The following DUSP15 variants were observed in gnomAD, a reference collection of about 807,000 sequenced individuals.
The protein encoded by DUSP15 is dual specificity protein phosphatase 15.
In DUSP15, 23 loss-of-function variants were observed where a neutral mutation model predicts 26.3. The ratio of observed to expected loss-of-function variants is 0.87; its 90% CI spans 0.63 to 1.24. DUSP15 has a LOEUF of 1.24. DUSP15 is among the 50% of genes most tolerant of loss of function. The probability of loss-of-function intolerance (pLI) is 0.00; values close to 1 mark genes in which losing one functional copy is unlikely to be tolerated. For synonymous variants in DUSP15, 143 were observed against 135.5 expected, an observed-to-expected ratio of 1.06 and a Z score of -0.39; for missense variants, 364 against 320.6, an observed-to-expected ratio of 1.14 and a Z score of -1.03.
intron 5 of DUSP15, among the ~76,000 whole-genome samples, chr20:31,863,270 C>T (rs1835602688): frequency 6.6e-6 from 1 of 152,102 alleles, no homozygotes. Flanking sequence ...CAGGAACCTT[C>T]TGGGCAGTGT....
At chr20:31,855,715 A>G (rs1054823584) in intron 6 of DUSP15, among the ~76,000 whole-genome samples, 7 of 152,208 alleles carry the variant, frequency 4.6e-5, no homozygotes, top group Admixed American at 4.6e-4. Flanking sequence ...ACACTTATTG[A>G]GCACCTACTA....
At position 31,864,932 on chromosome 20, in the gene DUSP15, G is replaced by C. The variant is rs546598531; in HGVS notation, c.188+21C>G. The stretch of plus-strand genomic sequence containing the variant: ...GAAGGCAGCTGTCTGTCCATCTATG[G>C]GTCCATCCAGGGGAACTTACATGGG... On this transcript the variant is annotated intron_variant, in intron 4 of 6. Coordinates refer to ENST00000339738, the MANE Select transcript of DUSP15 (RefSeq NM_080611.5). 16 of 1,613,030 alleles carry C rather than the reference G, an allele frequency of 9.9e-6. No homozygotes were observed. The East Asian group carries it at 3.1e-4, about 31-fold the overall frequency.
intron 1 of DUSP15, chr20:31,869,839 A>G: frequency 7.1e-7 from 1 of 1,414,412 alleles, no homozygotes; most frequent in East Asian, 2.7e-5. Flanking sequence ...CAGCTTGGGT[A>G]TGAGAGGGGA....
exon 8 of DUSP15, chr20:31,849,820 G>A (rs750621165): frequency 6.5e-7 from 1 of 1,528,288 alleles, no homozygotes; most frequent in East Asian, 2.4e-5. Context: ...CTGTGCGCCC[G>A]GTGGCTTCGC....
At chr20:31,846,466 GAGAGAGAGA>G (rs2062379510), downstream of DUSP15, among the ~76,000 whole-genome samples, 31 of 150,224 alleles carry the variant, frequency 2.1e-4, no homozygotes, top group Non-Finnish European at 2.7e-4. Flanking sequence ...GAGAGAGAGA[GAGAGAGAGA>G]GGAGAGAGAG....
chr20:31,848,639 C>A (rs958101660), intron 9 of DUSP15: 3 of 1,478,012 alleles, frequency 2.0e-6, no homozygotes, highest in Admixed American at 5.0e-5. Context: ...GAAGTCACAG[C>A]CCTAGTTACA....
In DUSP15 at chr20:31,864,107, A is replaced by G. The variant is rs1192419381; in HGVS notation, c.189-126T>C. ...CTGGGGTCCCCAGGTCAGCCAGCAC[A>G]TGCAGTGAATATGGGCCAGTACTTA... On this transcript the variant is annotated intron_variant, in intron 4 of 6. Transcript: ENST00000339738. 7 of 1,511,838 alleles carry G rather than the reference A, an allele frequency of 4.6e-6. No individual in the cohort carries two copies. The Admixed American group carries it at 1.2e-4, about 27-fold the overall frequency. The allele number at this position is 1,511,838 out of a possible 1,614,324, so 93.7% of individuals were successfully genotyped here.
downstream of DUSP15, among the ~76,000 whole-genome samples, chr20:31,845,939 TAGAGAC>T (rs1361857582): frequency 6.7e-6 from 1 of 149,618 alleles, no homozygotes; most frequent in Non-Finnish European, 1.5e-5. Flanking sequence ...AAAAAAGAGA[TAGAGAC>T]AGAGAGAGGT....
intron 7 of DUSP15, chr20:31,849,956 G>C (rs2062440503): frequency 7.1e-7 from 1 of 1,403,346 alleles, no homozygotes; most frequent in Admixed American, 3.2e-5. Context: ...TTCAAACTCT[G>C]CCGGACCCAG....
At chr20:31,846,177 C>T (rs746388), downstream of DUSP15, among the ~76,000 whole-genome samples, 27 of 149,868 alleles carry the variant, frequency 1.8e-4, no homozygotes, top group Middle Eastern at 3.4e-3. Context: ...CACACACACA[C>T]ATATACACAG....
chr20:31,861,143 GCCGCCTTTAAGGGTGGGC>G lies in DUSP15; in HGVS notation c.*242_*259del. On this transcript the variant is annotated 3_prime_UTR_variant, in exon 7 of 7. Coordinates refer to ENST00000339738, the MANE Select transcript of DUSP15 (RefSeq NM_080611.5). Reference sequence around the variant, plus strand: ...CTCCACTCTCCCTCCCTCCCCTCCCGCCGCCTTTAAGGGTGGGCCCCCTCCCCCAGCCCAAGGACTAAG... The same window carrying G: ...CTCCACTCTCCCTCCCTCCCCTCCCGCCCCTCCCCCAGCCCAAGGACTAAG... The G allele has an allele frequency of 9.6e-7, 1 of 1,042,550 alleles. No individual in the cohort carries two copies. The highest frequency in any genetic ancestry group is 1.2e-6 in the Non-Finnish European group (1 of 843,802). 64.6% of individuals were successfully genotyped at this position (1,042,550 alleles called of 1,614,324 possible).
chr20:31,859,129 G>A (rs2062605697), downstream of DUSP15, among the ~76,000 whole-genome samples: 1 of 152,198 alleles, frequency 6.6e-6, no homozygotes, highest in South Asian at 2.1e-4. Context: ...CACAGAGCTA[G>A]TGGGTGGTGG....
In DUSP15 at chr20:31,861,149, T is replaced by A; in HGVS notation, c.*254A>T. 5 of 1,194,146 alleles carry A rather than the reference T, an allele frequency of 4.2e-6. No homozygotes were observed. Among genetic ancestry groups the A allele is most frequent in the Non-Finnish European group, 5.2e-6 (5 of 959,636 alleles). 74.0% of individuals were successfully genotyped at this position (1,194,146 alleles called of 1,614,324 possible). A position where few individuals can be genotyped will look rare whatever the true frequency, so the allele number is the denominator to read the frequency against. ...TCTCCCTCCCTCCCCTCCCGCCGCC[T>A]TTAAGGGTGGGCCCCCTCCCCCAGC... On this transcript the variant is annotated 3_prime_UTR_variant, in exon 7 of 7. Transcript: ENST00000339738.
downstream of DUSP15, among the ~76,000 whole-genome samples, chr20:31,856,607 G>A (rs938846595): frequency 6.6e-6 from 1 of 152,086 alleles, no homozygotes; most frequent in African/African-American, 2.4e-5. Flanking sequence ...GAGTGGCCAG[G>A]GTTCAGATAC....
intron 2 of DUSP15, among the ~76,000 whole-genome samples, chr20:31,868,155 C>T (rs370896109): frequency 2.0e-5 from 3 of 152,198 alleles, no homozygotes; most frequent in Non-Finnish European, 2.9e-5. Context: ...GAGCATTTAC[C>T]GAGTGCTAAC....
chr20:31,856,855 T>C (rs1249964787), downstream of DUSP15, among the ~76,000 whole-genome samples: 5 of 151,004 alleles, frequency 3.3e-5, no homozygotes. Flanking sequence ...GGGGACAGGA[T>C]GGAGGTTGAG....
chr20:31,868,143 A>G (rs1055319992), intron 2 of DUSP15, among the ~76,000 whole-genome samples: 1 of 152,202 alleles, frequency 6.6e-6, no homozygotes, highest in African/African-American at 2.4e-5. Flanking sequence ...TCCTCATTCG[A>G]TGAGCATTTA....
Position 31,862,616 on chromosome 20 carries a change from GC to G in DUSP15, c.389del (p.Gly130AlafsTer145). The G allele has an allele frequency of 6.2e-7, 1 of 1,614,078 alleles. No homozygotes were observed. The highest frequency in any genetic ancestry group is 8.5e-7 in the Non-Finnish European group (1 of 1,179,984). On this transcript the variant is annotated frameshift_variant, in exon 6 of 7. Transcript: ENST00000339738. LOFTEE classifies it high-confidence loss of function. ...ATRPIANPNP[G>X]FRQQLEEFGW... ...CAAACTCTTCAAGCTGCTGCCTAAAGCCTGGGTTGGGGTTGGCGATGGGCCT... is the reference window on the plus strand; with the variant it reads ...CAAACTCTTCAAGCTGCTGCCTAAAGCTGGGTTGGGGTTGGCGATGGGCCT...
rs1568679093 is a variant in DUSP15 at position 31,861,467 on chromosome 20, AGCAGCG to A, written c.638_643del (p.Pro213_Leu214del). On this transcript the variant is annotated inframe_deletion, in exon 7 of 7. Transcript: ENST00000339738. ...AGAGAAAGTCTGCTTGACGCGCGCC[AGCAGCG>A]GCAGCGGCCGGTGGGCTTCCCGGGG... The A allele has an allele frequency of 1.3e-6, 2 of 1,546,846 alleles. No homozygotes were observed. Among genetic ancestry groups the A allele is most frequent in the Admixed American group, 1.9e-5 (1 of 52,592 alleles).
Sources: gnomAD v4.1 joint callset for allele counts (sites outside exome capture counted in the v4.1 genomes callset) on GRCh38, gnomAD v4.1.1 for gene constraint, MANE v1.5 for transcripts, NCBI Gene and HGNC (gene_info 2026-07-23, HGNC 2026-07-21) for gene names.